The following STIL variants were observed in gnomAD, a reference collection of about 807,000 sequenced individuals.
The protein encoded by STIL is SCL-interrupting locus protein.
Under a neutral mutation model 110.1 loss-of-function variants are expected in STIL, and 55 were observed. The observed-to-expected ratio is 0.50, with a 90% CI of 0.40 to 0.63. The LOEUF is 0.63. STIL is among the 20% of genes least tolerant of loss of function. The pLI is 0.00. For synonymous variants in STIL, 481 were observed against 530.0 expected (o/e 0.91, Z 1.27); for missense variants, 1,358 against 1,530.0 (o/e 0.89, Z 1.87).
rs34657491 is a variant in STIL at position 47,261,745 on chromosome 1, CAA to C, written c.2829+1156_2829+1157del. On this transcript the variant is annotated intron_variant, in intron 15 of 16. Transcript: ENST00000371877. ...ACAGAAACACAGTGAGACTCTGTCT[CAA>C]AAAAAAAAAAAAAAATTAGCCAGGC... 8.9e-3 allele frequency among the ~76,000 whole-genome samples: 1,111 copies of C among 124,412 alleles called. 10 individuals are homozygous for C. Among genetic ancestry groups the C allele is most frequent in the African/African-American group, 0.028 (997 of 35,094 alleles). The allele number at this position is 124,412 out of a possible 152,430, so 81.6% of individuals were successfully genotyped here. A position where few individuals can be genotyped will look rare whatever the true frequency, so the allele number is the denominator to read the frequency against.
chr1:47,267,324 T>C (rs1005834635), intron 14 of STIL, among the ~76,000 whole-genome samples: 5 of 152,208 alleles, frequency 3.3e-5, no homozygotes, highest in African/African-American at 1.2e-4. Context: ...CCTAACCTAG[T>C]ATTTGATATT....
chr1:47,303,815 T>G (rs937394427), intron 3 of STIL, among the ~76,000 whole-genome samples: 11 of 152,218 alleles, frequency 7.2e-5, no homozygotes, highest in Non-Finnish European at 1.5e-4. Context: ...TATCTTTCCT[T>G]CAGTTCCTCT....
intron 12 of STIL, among the ~76,000 whole-genome samples, chr1:47,274,835 T>C (rs921198138): frequency 6.6e-6 from 1 of 151,946 alleles, no homozygotes; most frequent in African/African-American, 2.4e-5. Flanking sequence ...TGCAAACATA[T>C]GATACTTTCA....
At chr1:47,313,427 T>C (rs1646195066) in intron 1 of STIL, among the ~76,000 whole-genome samples, 1 of 147,132 alleles carries the variant, frequency 6.8e-6, no homozygotes, top group African/African-American at 2.4e-5. Context: ...TATTCCAACC[T>C]TAACCCCCCC....
intron 7 of STIL, among the ~76,000 whole-genome samples, chr1:47,294,837 G>T (rs960965446): frequency 2.6e-5 from 4 of 152,224 alleles, no homozygotes; most frequent in African/African-American, 9.6e-5. Context: ...GTTCTTTAGG[G>T]TGACTTAAGG....
At chr1:47,302,631 G>C (rs527680206) in intron 3 of STIL, among the ~76,000 whole-genome samples, 15 of 152,254 alleles carry the variant, frequency 9.9e-5, no homozygotes, top group African/African-American at 3.6e-4. Context: ...GATTGAAACA[G>C]TCACATCTGT....
intron 12 of STIL, among the ~76,000 whole-genome samples, chr1:47,276,820 A>G (rs1645007172): frequency 6.6e-6 from 1 of 150,498 alleles, no homozygotes; most frequent in Non-Finnish European, 1.5e-5. Flanking sequence ...CCTAAAAAAA[A>G]AAAAAAAAAA....
intron 16 of STIL, among the ~76,000 whole-genome samples, chr1:47,254,180 C>CAAAAAAAAAAAAAAAAAAAAAAAAAAA (rs59259774): frequency 1.6e-5 from 1 of 61,408 alleles, no homozygotes; most frequent in Non-Finnish European, 2.9e-5. Context: ...GACTCTGTCT[C>CAAAAAAAAAAAAAAAAAAAAAAAAAAA]AAAAAAAAAA....
chr1:47,293,699 AAAGG>A (rs1645559740), intron 7 of STIL, among the ~76,000 whole-genome samples, 155 bp from the exon 8 acceptor site: 1 of 152,166 alleles, frequency 6.6e-6, no homozygotes, highest in Non-Finnish European at 1.5e-5. Context: ...CTGATAATTA[AAAGG>A]AAGAATATAT....
In STIL at chr1:47,251,835, G is replaced by A. The variant is rs878918576; in HGVS notation, c.3168C>T (p.Pro1056=). Reference sequence around the variant, plus strand: ...CCTCCATGCTCAAATCCACACCATTGGGGCTTAAGCCGCTCATGCCAACAT... The same window carrying A: ...CCTCCATGCTCAAATCCACACCATTAGGGCTTAAGCCGCTCATGCCAACAT... ...FANVGMSGLS[P]NGVDLSMEAN... Residue 1056 remains proline, a synonymous_variant, in exon 17 of 17, where the codon CCC becomes CCT. Transcript: ENST00000371877. The A allele has an allele frequency of 2.5e-6, 4 of 1,608,682 alleles. No homozygotes were observed. Among genetic ancestry groups the A allele is most frequent in the Non-Finnish European group, 3.4e-6 (4 of 1,177,562 alleles).
At chr1:47,271,558 C>CAAAAA (rs35926663) in intron 13 of STIL, among the ~76,000 whole-genome samples, 1 of 85,606 alleles carries the variant, frequency 1.2e-5, no homozygotes, top group Non-Finnish European at 2.2e-5. Flanking sequence ...GACTCCGTCT[C>CAAAAA]AAAAAAAAAA....
intron 12 of STIL, among the ~76,000 whole-genome samples, chr1:47,276,079 T>C (rs545168580): frequency 6.6e-6 from 1 of 151,936 alleles, no homozygotes; most frequent in Non-Finnish European, 1.5e-5. Context: ...CTTGGCTCAC[T>C]GCAATTTCCG....
chr1:47,268,547 G>C (rs1249839900), intron 14 of STIL, among the ~76,000 whole-genome samples: 1 of 152,026 alleles, frequency 6.6e-6, no homozygotes, highest in Non-Finnish European at 1.5e-5. Context: ...CTGAGGTCAG[G>C]AGTTCACGAC....
chr1:47,276,120 A>G (rs1393792621), intron 12 of STIL, among the ~76,000 whole-genome samples: 1 of 151,704 alleles, frequency 6.6e-6, no homozygotes, highest in Non-Finnish European at 1.5e-5. Flanking sequence ...CTCATGCCTC[A>G]GCCTCCTAAG....
Position 47,300,133 on chromosome 1 carries a change from C to T in STIL, c.473G>A (p.Cys158Tyr), listed in dbSNP as rs771811631. Reference protein sequence around the residue: ...SALKALQCHICSKDSLDCGKL... With the variant: ...SALKALQCHIYSKDSLDCGKL... ...ACCACAGTCCAAGGAATCTTTGCTA[C>T]ATATATGGCACTGTAGAGCCTGAGA... Residue 158 changes from cysteine to tyrosine, a missense_variant, in exon 6 of 17, where the codon TGT (cysteine) becomes TAT (tyrosine). Transcript: ENST00000371877. The T allele has an allele frequency of 6.2e-7, 1 of 1,614,012 alleles. No homozygotes were observed. Among genetic ancestry groups the T allele is most frequent in the Admixed American group, 1.7e-5 (1 of 59,998 alleles).
chr1:47,272,387 G>A (rs1406754558), intron 12 of STIL, 146 bp from the exon 13 acceptor site: 1 of 782,234 alleles, frequency 1.3e-6, no homozygotes, highest in Non-Finnish European at 2.1e-6. Flanking sequence ...ACCATACCAT[G>A]AAACTTATTC....
intron 7 of STIL, among the ~76,000 whole-genome samples, chr1:47,294,301 T>C (rs1360551219): frequency 6.6e-6 from 1 of 152,242 alleles, no homozygotes; most frequent in Non-Finnish European, 1.5e-5. Flanking sequence ...TATTTTTCTG[T>C]GTATGAATAT....
chr1:47,309,029 G>C (rs532672624), intron 2 of STIL, among the ~76,000 whole-genome samples: 71 of 150,210 alleles, frequency 4.7e-4, no homozygotes, highest in African/African-American at 1.7e-3. Flanking sequence ...TCCAGCATAA[G>C]TGACAAAGTG....
chr1:47,307,059 G>A (rs1400494642), intron 2 of STIL, among the ~76,000 whole-genome samples: 3 of 152,202 alleles, frequency 2.0e-5, no homozygotes, highest in East Asian at 1.9e-4. Context: ...GCTGAGGCAC[G>A]AGAATCACTT....
Sources: gnomAD v4.1 joint callset for allele counts (sites outside exome capture counted in the v4.1 genomes callset) on GRCh38, gnomAD v4.1.1 for gene constraint, MANE v1.5 for transcripts, NCBI Gene and HGNC (gene_info 2026-07-23, HGNC 2026-07-21) for gene names.